The following FAM110B variants were observed in gnomAD, a reference collection of about 807,000 sequenced individuals.
FAM110B encodes family with sequence similarity 110 member B.
A neutral mutation model predicts 20.4 loss-of-function variants in FAM110B; 6 were observed. The observed-to-expected ratio is 0.29, with a 90% CI of 0.16 to 0.58. The LOEUF is 0.58. FAM110B is among the 20% of genes least tolerant of loss of function. The pLI is 0.90. For missense variants in FAM110B, 434 were observed against 498.2 expected (o/e 0.87, Z 1.23); for synonymous variants, 226 against 214.1 (o/e 1.06, Z -0.49).
At chr8:58,138,946 T>G (rs1391469916) in intron 3 of FAM110B, among the ~76,000 whole-genome samples, 1 of 152,180 alleles carries the variant, frequency 6.6e-6, no homozygotes, top group Non-Finnish European at 1.5e-5. Context: ...GGTTCAACAT[T>G]TGCTTCCCAT....
intron 1 of FAM110B, among the ~76,000 whole-genome samples, chr8:58,019,168 A>ACC (rs1563498596): frequency 1.3e-5 from 2 of 151,694 alleles, no homozygotes; most frequent in Non-Finnish European, 2.9e-5. Context: ...AACCCCATCT[A>ACC]CACTAAAAAA....
chr8:58,037,883 G>A (rs182172881), intron 2 of FAM110B, among the ~76,000 whole-genome samples: 21 of 151,978 alleles, frequency 1.4e-4, no homozygotes, highest in African/African-American at 4.6e-4. Flanking sequence ...CTTGATTTTC[G>A]CTTTCTCCTT....
intron 2 of FAM110B, among the ~76,000 whole-genome samples, chr8:58,057,927 A>G (rs931827710): frequency 3.9e-5 from 6 of 152,244 alleles, no homozygotes; most frequent in African/African-American, 1.4e-4. Flanking sequence ...CCTGCAGTCC[A>G]CAAGGGTGGC....
chr8:58,013,661 G>A (rs1405953099), intron 1 of FAM110B, among the ~76,000 whole-genome samples: 1 of 152,134 alleles, frequency 6.6e-6, no homozygotes, highest in Non-Finnish European at 1.5e-5. Flanking sequence ...TTTTGGTCCT[G>A]CATGCTGAAG....
chr8:58,077,634 A>G (rs1484826631), intron 3 of FAM110B, among the ~76,000 whole-genome samples: 3 of 152,306 alleles, frequency 2.0e-5, no homozygotes, highest in Middle Eastern at 3.4e-3. Context: ...GTGGGGGTAT[A>G]GGGAAAGTAA....
intron 2 of FAM110B, among the ~76,000 whole-genome samples, chr8:58,062,370 A>G (rs1805674469): frequency 6.6e-6 from 1 of 152,252 alleles, no homozygotes; most frequent in Non-Finnish European, 1.5e-5. Context: ...ACTTTATAGT[A>G]CAGATGGAAT....
At chr8:57,995,727 T>C (rs1366692665) in intron 1 of FAM110B, among the ~76,000 whole-genome samples, 1 of 152,196 alleles carries the variant, frequency 6.6e-6, no homozygotes, top group East Asian at 1.9e-4. Context: ...TTTTAACCCT[T>C]TCAAGTTGTT....
chr8:58,050,687 A>G (rs962197044), intron 2 of FAM110B, among the ~76,000 whole-genome samples: 6 of 152,198 alleles, frequency 3.9e-5, no homozygotes, highest in African/African-American at 1.2e-4. Flanking sequence ...TTCTGTGACC[A>G]GCCAAAGGAA....
chr8:58,104,414 T>A (rs1012260806), intron 3 of FAM110B, among the ~76,000 whole-genome samples: 3 of 152,234 alleles, frequency 2.0e-5, no homozygotes, highest in African/African-American at 7.2e-5. Flanking sequence ...GGCCATTTGC[T>A]TGCTCAATCT....
intron 3 of FAM110B, among the ~76,000 whole-genome samples, chr8:58,145,004 G>A (rs1803826618): frequency 2.0e-5 from 3 of 152,198 alleles, no homozygotes; most frequent in African/African-American, 7.2e-5. Flanking sequence ...TAGTATTAAA[G>A]TAACATATTT....
chr8:58,014,812 T>TATG (rs34289857), intron 1 of FAM110B, among the ~76,000 whole-genome samples: 27,407 of 152,062 alleles, frequency 0.18, 3,294 homozygotes, highest in African/African-American at 0.34. Flanking sequence ...GCAAACCTAT[T>TATG]ATCTTTATTT....
At chr8:58,013,616 A>G (rs1386398543) in intron 1 of FAM110B, among the ~76,000 whole-genome samples, 2 of 152,188 alleles carry the variant, frequency 1.3e-5, no homozygotes, top group African/African-American at 2.4e-5. Flanking sequence ...GTTCAGGGAC[A>G]CAGAGGGGGA....
chr8:58,063,922 G>C (rs1805708648), intron 2 of FAM110B, among the ~76,000 whole-genome samples: 1 of 152,184 alleles, frequency 6.6e-6, no homozygotes, highest in Admixed American at 6.5e-5. Flanking sequence ...ATAAAGAAAA[G>C]AGGTTTAATT....
At chr8:58,021,895 A>G (rs752529050) in intron 1 of FAM110B, among the ~76,000 whole-genome samples, 1 of 152,190 alleles carries the variant, frequency 6.6e-6, no homozygotes, top group Non-Finnish European at 1.5e-5. Flanking sequence ...TTAAATATGG[A>G]AAGTTCAATC....
intron 1 of FAM110B, among the ~76,000 whole-genome samples, chr8:57,996,860 G>T (rs970113541): frequency 6.6e-6 from 1 of 152,128 alleles, no homozygotes. Flanking sequence ...TCTTTTTCAT[G>T]CTTTAAAATA....
At chr8:58,039,300 C>G (rs1044922736) in intron 2 of FAM110B, among the ~76,000 whole-genome samples, 2 of 152,206 alleles carry the variant, frequency 1.3e-5, no homozygotes, top group Admixed American at 1.3e-4. Context: ...AGAGGAAACT[C>G]ATTTCCTGCA....
In FAM110B at chr8:58,025,001, G is replaced by A. The variant is rs1018019803; in HGVS notation, c.-511-6605G>A. 6.6e-5 allele frequency among the ~76,000 whole-genome samples: 10 copies of A among 152,142 alleles called. No homozygotes were observed. In the East Asian group the frequency reaches 1.2e-3, roughly 18 times the overall value. ...ACACTATATCTGCTGCATAACCCAC[G>A]TTGATACACTGCAGACAGGACATAA... is the stretch of plus-strand genomic sequence containing the variant. On this transcript the variant is annotated intron_variant, in intron 1 of 3. Transcript: ENST00000519262.
Position 58,147,053 on chromosome 8 carries a change from G to A in FAM110B, c.823G>A (p.Glu275Lys). Residue 275 changes from glutamate (E) to lysine (K), a missense_variant, in exon 4 of 4, where the codon GAG becomes AAG. Around this residue, in one of 3 missense-constraint regions of FAM110B, gnomAD observed 94 missense variants for 137.8 expected, o/e 0.68. Coordinates refer to ENST00000519262, the MANE Select transcript of FAM110B (RefSeq NM_001377989.1). ...DRYFRVDADV[E>K]RFFNYCGLDP... is the part of the protein sequence containing the mutation. Reference sequence around the variant, plus strand: ...ATATTTCCGAGTGGACGCGGACGTGGAGAGGTTCTTCAACTACTGTGGACT... The same window carrying A: ...ATATTTCCGAGTGGACGCGGACGTGAAGAGGTTCTTCAACTACTGTGGACT... 6.2e-7 allele frequency: 1 copy of A among 1,614,250 alleles called. No individual in the cohort carries two copies. The highest frequency in any genetic ancestry group is 8.5e-7 in the Non-Finnish European group (1 of 1,180,048).
At chr8:58,136,241 A>T (rs1803611938) in intron 3 of FAM110B, among the ~76,000 whole-genome samples, 1 of 151,910 alleles carries the variant, frequency 6.6e-6, no homozygotes, top group Non-Finnish European at 1.5e-5. Context: ...CGATCTCCTG[A>T]CCTCGTGATC....
Sources: gnomAD v4.1 joint callset for allele counts (sites outside exome capture counted in the v4.1 genomes callset) on GRCh38, gnomAD v4.1.1 for gene constraint, gnomAD v4.1.1 regional missense constraint, MANE v1.5 for transcripts, NCBI Gene and HGNC (gene_info 2026-07-23, HGNC 2026-07-21) for gene names.